The following GTF2E1 variants were observed in gnomAD, a reference collection of about 807,000 sequenced individuals.
The protein encoded by GTF2E1 is general transcription factor IIE subunit 1.
Under a neutral mutation model 34.9 loss-of-function variants are expected in GTF2E1, and 14 were observed. That is an observed-to-expected ratio of 0.40 (90% CI 0.27 to 0.63). The LOEUF (loss-of-function observed/expected upper bound fraction) is 0.63. Ranked by LOEUF, GTF2E1 falls within the 20% of genes least tolerant of loss-of-function variation. The pLI is 0.39. For missense variants in GTF2E1, 469 were observed against 557.7 expected (o/e 0.84, Z 1.60); for synonymous variants, 188 against 192.9 (o/e 0.97, Z 0.21).
At chr3:120,761,662 C>A (rs1360333252) in intron 2 of GTF2E1, among the ~76,000 whole-genome samples, 1 of 152,020 alleles carries the variant, frequency 6.6e-6, no homozygotes, top group African/African-American at 2.4e-5. Context: ...TTATTTCTGC[C>A]TTCATTTCAT....
Position 120,756,236 on chromosome 3 carries a change from G to A in GTF2E1, c.448+5236G>A, listed in dbSNP as rs184359403. 2.3e-3 allele frequency among the ~76,000 whole-genome samples: 353 copies of A among 152,224 alleles called. 1 individual carries two copies. The highest frequency in any genetic ancestry group is 6.1e-3 in the Admixed American group (93 of 15,292). On this transcript the variant is annotated intron_variant, in intron 2 of 4. Transcript: ENST00000283875. Reference sequence around the variant, plus strand: ...ATTTACATTCCCACCAACAGTGTACGACAGTTCCCTTTCCTCCACGTTCTT... The same window carrying A: ...ATTTACATTCCCACCAACAGTGTACAACAGTTCCCTTTCCTCCACGTTCTT...
intron 2 of GTF2E1, among the ~76,000 whole-genome samples, chr3:120,756,476 G>A (rs906029687): frequency 1.4e-5 from 2 of 141,364 alleles, no homozygotes; most frequent in African/African-American, 2.6e-5. Flanking sequence ...GTAAGGGGGG[G>A]AAATTTATTA....
Position 120,770,841 on chromosome 3 carries a change from T to C in GTF2E1, c.562T>C (p.Tyr188His). 1 of 1,613,670 alleles carries C rather than the reference T, an allele frequency of 6.2e-7. No homozygotes were observed. Among genetic ancestry groups the C allele is most frequent in the Non-Finnish European group, 8.5e-7 (1 of 1,179,646 alleles). ...ARFNEQIEPIYALLRETEDVN... is the reference protein window; with the variant it reads ...ARFNEQIEPIHALLRETEDVN... ...GTTTAATGAACAAATTGAGCCCATT[T>C]ATGCATTGCTTCGGGAGACAGAGGA... Residue 188 changes from tyrosine to histidine, a missense_variant, in exon 3 of 5, where the codon TAT becomes CAT. Coordinates refer to ENST00000283875, the MANE Select transcript of GTF2E1 (RefSeq NM_005513.3).
intron 1 of GTF2E1, among the ~76,000 whole-genome samples, chr3:120,743,666 A>G (rs551259102): frequency 6.8e-4 from 103 of 152,322 alleles, no homozygotes; most frequent in African/African-American, 2.5e-3. Context: ...TCCATGAGGA[A>G]ATATCATTTG....
intron 2 of GTF2E1, among the ~76,000 whole-genome samples, chr3:120,754,369 C>G (rs1201570499): frequency 6.6e-6 from 1 of 152,140 alleles, no homozygotes; most frequent in Non-Finnish European, 1.5e-5. Flanking sequence ...ACAATCATAG[C>G]TTAGAATAGT....
intron 2 of GTF2E1, among the ~76,000 whole-genome samples, chr3:120,763,292 CT>C (rs1455721130): frequency 6.6e-6 from 1 of 152,058 alleles, no homozygotes; most frequent in African/African-American, 2.4e-5. Flanking sequence ...CATATTGTAC[CT>C]TTTTTCCCCT....
chr3:120,751,860 G>T (rs1709167236), intron 2 of GTF2E1, among the ~76,000 whole-genome samples: 2 of 152,026 alleles, frequency 1.3e-5, no homozygotes, highest in Admixed American at 6.6e-5. Flanking sequence ...CAGGAGTATA[G>T]GCTACTTTTT....
At chr3:120,763,894 A>G (rs1033680342) in intron 2 of GTF2E1, among the ~76,000 whole-genome samples, 5 of 152,170 alleles carry the variant, frequency 3.3e-5, no homozygotes, top group African/African-American at 1.2e-4. Flanking sequence ...AGAAAAGTCA[A>G]AGTCCTCAAC....
chr3:120,756,757 C>T (rs911711996), intron 2 of GTF2E1, among the ~76,000 whole-genome samples: 1 of 152,066 alleles, frequency 6.6e-6, no homozygotes, highest in Non-Finnish European at 1.5e-5. Context: ...AAAACCCCAT[C>T]TCTACTAAAA....
intron 2 of GTF2E1, among the ~76,000 whole-genome samples, chr3:120,765,142 C>T (rs1020935070): frequency 6.6e-6 from 1 of 151,818 alleles, no homozygotes; most frequent in Admixed American, 6.6e-5. Context: ...GCCACTGTCC[C>T]CCTCATCCCC....
chr3:120,758,295 C>T (rs1337466961), intron 2 of GTF2E1, among the ~76,000 whole-genome samples: 1 of 152,146 alleles, frequency 6.6e-6, no homozygotes, highest in Non-Finnish European at 1.5e-5. Flanking sequence ...TTTTCTCTGT[C>T]ATAACAGAGA....
chr3:120,752,917 T>G (rs185958323), intron 2 of GTF2E1, among the ~76,000 whole-genome samples: 5 of 152,286 alleles, frequency 3.3e-5, no homozygotes, highest in Non-Finnish European at 7.4e-5. Flanking sequence ...ACACTAATGC[T>G]TAATTGGCAG....
chr3:120,760,400 C>G lies in GTF2E1; in HGVS notation c.448+9400C>G, dbSNP rs1422126709. On this transcript the variant is annotated intron_variant, in intron 2 of 4. Coordinates refer to ENST00000283875, the MANE Select transcript of GTF2E1 (RefSeq NM_005513.3). Reference sequence around the variant, plus strand: ...CAGAGACAATTTGACTTCCTATTTTCCTAATTGAATACCCTTTATTTCTTT... The same window carrying G: ...CAGAGACAATTTGACTTCCTATTTTGCTAATTGAATACCCTTTATTTCTTT... Among the ~76,000 whole-genome samples the G allele has an allele frequency of 2.0e-5, 3 of 152,260 alleles. No homozygotes were observed. In the East Asian group the frequency reaches 5.8e-4, roughly 29 times the overall value.
intron 3 of GTF2E1, among the ~76,000 whole-genome samples, chr3:120,775,765 A>G (rs1387533832): frequency 6.6e-6 from 1 of 152,234 alleles, no homozygotes; most frequent in Non-Finnish European, 1.5e-5. Flanking sequence ...TGCAGAGTAG[A>G]ATCAGTGGTT....
chr3:120,762,502 T>G (rs1387351538), intron 2 of GTF2E1, among the ~76,000 whole-genome samples: 1 of 152,234 alleles, frequency 6.6e-6, no homozygotes. Flanking sequence ...GCAAAGTGAT[T>G]CTTAAATACT....
intron 2 of GTF2E1, among the ~76,000 whole-genome samples, chr3:120,761,892 G>A (rs1340146802): frequency 6.7e-6 from 1 of 149,564 alleles, no homozygotes; most frequent in Non-Finnish European, 1.5e-5. Context: ...CCGGGTTCAT[G>A]CCATTCTCCT....
intron 3 of GTF2E1, among the ~76,000 whole-genome samples, chr3:120,776,168 C>T (rs764807726): frequency 6.6e-6 from 1 of 151,972 alleles, no homozygotes; most frequent in South Asian, 2.1e-4. Flanking sequence ...TCTATAAAAC[C>T]TCAGTCATTT....
chr3:120,764,469 A>T lies in GTF2E1; in HGVS notation c.449-6259A>T, dbSNP rs79683803. On this transcript the variant is annotated intron_variant, in intron 2 of 4. Transcript: ENST00000283875. ...TGAGCACTTAAGCACCCTGTGCCAT[A>T]TCAAAGCATTTGAGCTTATTTTGAT... Among the ~76,000 whole-genome samples the T allele has an allele frequency of 4.3e-4, 66 of 152,358 alleles. No homozygotes were observed. The East Asian group carries it at 0.012, about 28-fold the overall frequency.
chr3:120,773,818 CT>C (rs1709375879), intron 3 of GTF2E1, among the ~76,000 whole-genome samples: 1 of 152,080 alleles, frequency 6.6e-6, no homozygotes, highest in Admixed American at 6.6e-5. Context: ...ATTTGTTTGA[CT>C]TATGGTCAAA....
Sources: gnomAD v4.1 joint callset for allele counts (sites outside exome capture counted in the v4.1 genomes callset) on GRCh38, gnomAD v4.1.1 for gene constraint, MANE v1.5 for transcripts, NCBI Gene and HGNC (gene_info 2026-07-23, HGNC 2026-07-21) for gene names.